Variants in GRM7 observed in about 807,000 individuals in gnomAD.
GRM7 encodes metabotropic glutamate receptor 7.
Under a neutral mutation model 84.5 loss-of-function variants are expected in GRM7, and 35 were observed. That is an observed-to-expected ratio of 0.41 (90% confidence interval 0.32 to 0.55). The LOEUF is 0.55. Ranked by LOEUF, GRM7 falls within the 20% of genes least tolerant of loss-of-function variation. The pLI is 0.19. For missense variants in GRM7, 1,003 were observed against 1,194.6 expected (o/e 0.84, Z 2.36); for synonymous variants, 487 against 455.1 (o/e 1.07, Z -0.89).
intron 2 of GRM7, among the ~76,000 whole-genome samples, chr3:7,233,783 TAAAC>T (rs1697265867): frequency 6.6e-6 from 1 of 152,090 alleles, no homozygotes; most frequent in Non-Finnish European, 1.5e-5. Flanking sequence ...TGCAAATAAA[TAAAC>T]CCAATTTTTG....
At chr3:7,017,109 C>A (rs149993200) in intron 1 of GRM7, among the ~76,000 whole-genome samples, 328 of 152,268 alleles carry the variant, frequency 2.2e-3, no homozygotes, top group African/African-American at 7.0e-3. Context: ...ATTGCTGTCT[C>A]TAAGAAGACT....
intron 1 of GRM7, among the ~76,000 whole-genome samples, chr3:7,045,994 T>G (rs1696793271): frequency 6.6e-6 from 1 of 152,138 alleles, no homozygotes; most frequent in African/African-American, 2.4e-5. Context: ...TGCATTTTTA[T>G]CTACAGTGTA....
At chr3:6,873,477 C>A (rs1051903845) in intron 1 of GRM7, among the ~76,000 whole-genome samples, 3 of 152,130 alleles carry the variant, frequency 2.0e-5, no homozygotes, top group Non-Finnish European at 4.4e-5. Flanking sequence ...ACCATGTGAG[C>A]TTCAGCAATT....
At chr3:7,597,717 C>CT (rs375997522) in intron 8 of GRM7, among the ~76,000 whole-genome samples, 103 of 152,138 alleles carry the variant, frequency 6.8e-4, no homozygotes, top group African/African-American at 2.3e-3. Context: ...AGGATAAGAT[C>CT]TTAAAGTATG....
intron 4 of GRM7, among the ~76,000 whole-genome samples, chr3:7,343,765 A>G (rs910002485): frequency 1.3e-5 from 2 of 152,092 alleles, no homozygotes; most frequent in African/African-American, 4.8e-5. Context: ...TGGTTTTATG[A>G]CTGGTGTTTC....
At chr3:7,693,102 C>T (rs1005829321) in intron 9 of GRM7, among the ~76,000 whole-genome samples, 1 of 151,634 alleles carries the variant, frequency 6.6e-6, no homozygotes, top group African/African-American at 2.4e-5. Flanking sequence ...ACATGGTCTG[C>T]TAGAACGGAA....
At chr3:7,661,794 C>CAAAAAAAAAAA (rs71043686) in intron 8 of GRM7, among the ~76,000 whole-genome samples, 631 of 28,180 alleles carry the variant, frequency 0.022, 115 homozygotes, top group South Asian at 0.04. Context: ...GTCTCCGTCT[C>CAAAAAAAAAAA]AAAAAAAAAA....
intron 2 of GRM7, among the ~76,000 whole-genome samples, chr3:7,233,323 A>T (rs1189309610): frequency 6.6e-6 from 1 of 152,134 alleles, no homozygotes; most frequent in Admixed American, 6.6e-5. Context: ...GTTTCTCTAA[A>T]TGGGCATTTT....
At chr3:7,350,401 G>T (rs775619410) in intron 4 of GRM7, among the ~76,000 whole-genome samples, 1 of 151,958 alleles carries the variant, frequency 6.6e-6, no homozygotes, top group Non-Finnish European at 1.5e-5. Flanking sequence ...TTCTTGATTT[G>T]GTTGTTTAAT....
intron 7 of GRM7, among the ~76,000 whole-genome samples, chr3:7,557,919 T>A (rs565043629): frequency 1.3e-5 from 2 of 152,234 alleles, no homozygotes; most frequent in South Asian, 4.1e-4. Flanking sequence ...AAATCACTGA[T>A]GTTTCAAATG....
intron 8 of GRM7, among the ~76,000 whole-genome samples, chr3:7,647,495 G>A (rs1031409656): frequency 6.6e-6 from 1 of 152,208 alleles, no homozygotes; most frequent in Non-Finnish European, 1.5e-5. Flanking sequence ...GTCAGATTGT[G>A]CAGAAGCAAA....
At chr3:6,983,682 C>A (rs1051232678) in intron 1 of GRM7, among the ~76,000 whole-genome samples, 2 of 152,108 alleles carry the variant, frequency 1.3e-5, no homozygotes, top group African/African-American at 4.8e-5. Flanking sequence ...TGACATTGAA[C>A]CATGCAGTTC....
At chr3:6,886,216 T>C (rs748787404) in intron 1 of GRM7, among the ~76,000 whole-genome samples, 1 of 152,116 alleles carries the variant, frequency 6.6e-6, no homozygotes, top group Non-Finnish European at 1.5e-5. Context: ...ACATTCGATC[T>C]GAAGGGTACT....
intron 4 of GRM7, among the ~76,000 whole-genome samples, chr3:7,378,478 A>G (rs1461889647): frequency 6.6e-6 from 1 of 152,186 alleles, no homozygotes; most frequent in Non-Finnish European, 1.5e-5. Context: ...AGTCCTAAGT[A>G]TTACAACAGT....
intron 1 of GRM7, among the ~76,000 whole-genome samples, chr3:6,976,342 A>G (rs1426520528): frequency 6.6e-6 from 1 of 152,212 alleles, no homozygotes; most frequent in East Asian, 1.9e-4. Flanking sequence ...CACTTAGAAT[A>G]TTTTAATAAG....
At chr3:6,996,031 T>C (rs570161033) in intron 1 of GRM7, among the ~76,000 whole-genome samples, 1 of 151,942 alleles carries the variant, frequency 6.6e-6, no homozygotes, top group Admixed American at 6.6e-5. Flanking sequence ...GACATGTCCT[T>C]TTCTGTGTTT....
intron 5 of GRM7, among the ~76,000 whole-genome samples, chr3:7,419,591 A>G (rs1183398949): frequency 6.6e-6 from 1 of 152,152 alleles, no homozygotes; most frequent in Non-Finnish European, 1.5e-5. Context: ...AGGTTCTGAG[A>G]ACCTGAATAT....
At chr3:7,215,625 A>G (rs917618977) in intron 2 of GRM7, among the ~76,000 whole-genome samples, 7 of 152,084 alleles carry the variant, frequency 4.6e-5, no homozygotes, top group African/African-American at 9.7e-5. Flanking sequence ...AGATCGCGCC[A>G]CTGCACTCCA....
At chr3:7,466,572 T>C (rs1698468232) in intron 7 of GRM7, among the ~76,000 whole-genome samples, 1 of 152,216 alleles carries the variant, frequency 6.6e-6, no homozygotes, top group Non-Finnish European at 1.5e-5. Flanking sequence ...TATCTGAAAT[T>C]AGGAAGTTCA....
Sources: allele counts gnomAD v4.1 joint callset (sites outside exome capture counted in the v4.1 genomes callset), GRCh38; gene constraint gnomAD v4.1.1; transcripts MANE v1.5; gene names NCBI Gene and HGNC (gene_info 2026-07-23, HGNC 2026-07-21).